Variants in VAV1 observed in about 807,000 individuals in gnomAD.
The protein encoded by VAV1 is vav guanine nucleotide exchange factor 1, also known as proto-oncogene vav.
VAV1 carries 33 observed loss-of-function variants against 128.1 expected under a neutral mutation model. That is an observed-to-expected ratio of 0.26 (90% CI 0.20 to 0.34). The LOEUF is 0.34. Ranked by LOEUF, VAV1 falls within the 10% of genes least tolerant of loss-of-function variation. The pLI is 1.00. For synonymous variants in VAV1, 394 were observed against 409.8 expected (o/e 0.96, Z 0.47); for missense variants, 715 against 1,093.7 (o/e 0.65, Z 4.88).
chr19:6,799,300 T>G (rs1368138878), intron 1 of VAV1, among the ~76,000 whole-genome samples: 1 of 152,114 alleles, frequency 6.6e-6, no homozygotes, highest in Non-Finnish European at 1.5e-5. Context: ...CTCGAACAGC[T>G]GGGACTACAG....
intron 1 of VAV1, among the ~76,000 whole-genome samples, chr19:6,778,524 T>C (rs1026983408): frequency 5.3e-5 from 8 of 152,176 alleles, no homozygotes; most frequent in Admixed American, 6.5e-5. Flanking sequence ...CACCACTTCC[T>C]GGTTTCACCT....
chr19:6,852,939 C>CA lies in VAV1; in HGVS notation c.2218-25dup, dbSNP rs756809044. ...CTTATGGGCTGGCCCGCTGGGATAG[C>CA]ATCTGCCATGTGGTCCGCCTTCTAG... On this transcript the variant is annotated intron_variant, in intron 24 of 26. Transcript: ENST00000602142. 1.9e-6 allele frequency: 3 copies of CA among 1,593,368 alleles called. No homozygotes were observed. The South Asian group carries it at 3.3e-5, about 18-fold the overall frequency.
intron 1 of VAV1, among the ~76,000 whole-genome samples, chr19:6,785,171 T>C (rs760614970): frequency 1.2e-4 from 19 of 152,028 alleles, no homozygotes; most frequent in Non-Finnish European, 2.6e-4. Flanking sequence ...TCTTTCTCTC[T>C]CTCTCTGTCT....
At chr19:6,808,040 C>A (rs144555386) in intron 1 of VAV1, among the ~76,000 whole-genome samples, 1 of 148,764 alleles carries the variant, frequency 6.7e-6, no homozygotes, top group Non-Finnish European at 1.5e-5. Flanking sequence ...AGGCCGGGCG[C>A]GGTGGCTCAA....
At chr19:6,775,286 C>T (rs1001488026) in intron 1 of VAV1, among the ~76,000 whole-genome samples, 61 of 152,190 alleles carry the variant, frequency 4.0e-4, no homozygotes, top group African/African-American at 1.4e-3. Flanking sequence ...GAGTCAAGCT[C>T]TCTGTGATGC....
chr19:6,776,117 C>CATCCA (rs1555697558), intron 1 of VAV1, among the ~76,000 whole-genome samples: 1,843 of 149,482 alleles, frequency 0.012, 43 homozygotes, highest in African/African-American at 0.044. Context: ...TCCATCCATC[C>CATCCA]ATCCATCTGC....
At chr19:6,798,016 G>A (rs886109721) in intron 1 of VAV1, among the ~76,000 whole-genome samples, 16 of 151,640 alleles carry the variant, frequency 1.1e-4, no homozygotes, top group African/African-American at 3.6e-4. Flanking sequence ...GGTGGCTCAC[G>A]CTGTAATCCC....
intron 13 of VAV1, 107 bp downstream of exon 13, chr19:6,829,007 G>A (rs563151790): frequency 5.6e-5 from 75 of 1,336,232 alleles, no homozygotes; most frequent in Non-Finnish European, 7.6e-5. Context: ...GTGGAGCCTG[G>A]GCAGGGGCGG....
chr19:6,813,824 T>G (rs1358010421), intron 1 of VAV1, among the ~76,000 whole-genome samples: 1 of 151,942 alleles, frequency 6.6e-6, no homozygotes, highest in African/African-American at 2.4e-5. Flanking sequence ...GAGCCTGTGG[T>G]GGGAGAGTCA....
At chr19:6,841,118 T>C (rs1333643004) in intron 21 of VAV1, among the ~76,000 whole-genome samples, 1 of 152,034 alleles carries the variant, frequency 6.6e-6, no homozygotes, top group African/African-American at 2.4e-5. Flanking sequence ...TTTCATCATG[T>C]TGCCCAGGCT....
In VAV1 at chr19:6,857,294, T is replaced by C. The variant is rs1480085581; in HGVS notation, c.*187T>C. ...CATGGTTAATTTATAACACCCCGAT[T>C]TCCTCTTGGGTCCCCTCAAGCAGAC... On this transcript the variant is annotated 3_prime_UTR_variant, in exon 27 of 27. Coordinates refer to ENST00000602142, the MANE Select transcript of VAV1 (RefSeq NM_005428.4). 1.4e-6 allele frequency: 1 copy of C among 695,718 alleles called. No individual in the cohort carries two copies. Among genetic ancestry groups the C allele is most frequent in the African/African-American group, 1.8e-5 (1 of 55,406 alleles). The allele number at this position is 695,718 out of a possible 1,614,324, so 43.1% of individuals were successfully genotyped here. A position where few individuals can be genotyped will look rare whatever the true frequency, so the allele number is the denominator to read the frequency against.
intron 21 of VAV1, among the ~76,000 whole-genome samples, chr19:6,841,715 C>T (rs1972382186): frequency 1.3e-5 from 2 of 151,654 alleles, no homozygotes; most frequent in Admixed American, 1.3e-4. Context: ...ACCTCGTGAT[C>T]CGCCTGCCTC....
Position 6,828,805 on chromosome 19 carries a change from T to C in VAV1, c.1180-10T>C, listed in dbSNP as rs1971980924. 1 of 1,614,008 alleles carries C rather than the reference T, an allele frequency of 6.2e-7. No homozygotes were observed. The highest frequency in any genetic ancestry group is 8.5e-7 in the Non-Finnish European group (1 of 1,180,022). On this transcript the variant is annotated splice_polypyrimidine_tract_variant and intron_variant, in intron 12 of 26. Coordinates refer to ENST00000602142, the MANE Select transcript of VAV1 (RefSeq NM_005428.4). This position sits in a 1 kb window ranked among gnomAD's most constrained non-coding sequence, Gnocchi z 4.5. ...GGAGACCCTTGCTAGACCCCCTGCCTACTGCATAGGACCAGTCTCTGGCTC... is the reference window on the plus strand; with the variant it reads ...GGAGACCCTTGCTAGACCCCCTGCCCACTGCATAGGACCAGTCTCTGGCTC...
At chr19:6,782,041 G>A (rs811292) in intron 1 of VAV1, among the ~76,000 whole-genome samples, 32,982 of 152,056 alleles carry the variant, frequency 0.22, 3,688 homozygotes, top group African/African-American at 0.25. Flanking sequence ...TCTATAAAAT[G>A]AGAATGTTGG....
At chr19:6,783,745 G>A (rs1599618816) in intron 1 of VAV1, among the ~76,000 whole-genome samples, 1 of 152,206 alleles carries the variant, frequency 6.6e-6, no homozygotes, top group East Asian at 1.9e-4. Flanking sequence ...TGGGATTACA[G>A]GCGTGAGCCA....
At chr19:6,831,863 T>C (rs1972064051) in intron 14 of VAV1, among the ~76,000 whole-genome samples, 1 of 151,878 alleles carries the variant, frequency 6.6e-6, no homozygotes, top group African/African-American at 2.4e-5. Context: ...AGTGTGTGTG[T>C]GTGTGTGTGT....
chr19:6,800,850 C>A (rs1329024234), intron 1 of VAV1, among the ~76,000 whole-genome samples: 1 of 93,770 alleles, frequency 1.1e-5, no homozygotes, highest in Non-Finnish European at 2.9e-5. Context: ...TGGTCTTGAA[C>A]CCCTGACCTC....
intron 14 of VAV1, among the ~76,000 whole-genome samples, chr19:6,830,534 G>T (rs868665126): frequency 6.6e-6 from 1 of 151,424 alleles, no homozygotes; most frequent in Non-Finnish European, 1.5e-5. Context: ...CTGGCTCCCA[G>T]GTTCAAGCAA....
chr19:6,831,148 T>C (rs1972043755), intron 14 of VAV1, among the ~76,000 whole-genome samples: 1 of 152,066 alleles, frequency 6.6e-6, no homozygotes, highest in South Asian at 2.1e-4. Flanking sequence ...GAGGGGGAGC[T>C]ATCTTACCTC....
Sources: allele counts gnomAD v4.1 joint callset (sites outside exome capture counted in the v4.1 genomes callset), GRCh38; gene constraint gnomAD v4.1.1; non-coding constraint Gnocchi (gnomAD v3.1); transcripts MANE v1.5; gene names NCBI Gene and HGNC (gene_info 2026-07-23, HGNC 2026-07-21).